Variants in TMEM65 observed in about 807,000 individuals in gnomAD.
The protein encoded by TMEM65 is transmembrane protein 65.
In TMEM65, 22 loss-of-function variants were observed where a neutral mutation model predicts 25.4. That is an observed-to-expected ratio of 0.86 (90% confidence interval 0.62 to 1.23). The LOEUF (loss-of-function observed/expected upper bound fraction) is 1.23. Ranked by LOEUF, TMEM65 falls within the 50% of genes most tolerant of loss-of-function variation. The pLI, the probability that TMEM65 is intolerant of heterozygous loss-of-function variation, is 0.00. For synonymous variants in TMEM65, 132 were observed against 126.2 expected (o/e 1.05, Z -0.31); for missense variants, 262 against 308.2 (o/e 0.85, Z 1.12).
chr8:124,323,312 G>A lies in TMEM65; in HGVS notation c.472+9C>T. ...CAATGAAATAATAACATTTACTACTGTTAAATACCTGCCATAGTTGAAATT... is the reference window on the plus strand; with the variant it reads ...CAATGAAATAATAACATTTACTACTATTAAATACCTGCCATAGTTGAAATT... On this transcript the variant is annotated intron_variant, in intron 4 of 6. Coordinates refer to ENST00000297632, the MANE Select transcript of TMEM65 (RefSeq NM_194291.3). 1 of 1,437,712 alleles carries A rather than the reference G, an allele frequency of 7.0e-7. No homozygotes were observed. Among genetic ancestry groups the A allele is most frequent in the Non-Finnish European group, 9.6e-7 (1 of 1,043,270 alleles). 89.1% of individuals were successfully genotyped at this position (1,437,712 alleles called of 1,614,324 possible).
rs1041329523 is a variant in TMEM65, at chr8:124,330,916, A to G, written c.305-124T>C. ...GAATATCAGAGTTTATTCATAAATT[A>G]TCTTTAGGTTAAGGGACCACATTTG... On this transcript the variant is annotated intron_variant, in intron 1 of 6. Coordinates refer to ENST00000297632, the MANE Select transcript of TMEM65 (RefSeq NM_194291.3). The G allele has an allele frequency of 6.5e-6, 6 of 926,884 alleles. No homozygotes were observed. The African/African-American group carries it at 1.1e-4, about 16-fold the overall frequency. The allele number at this position is 926,884 out of a possible 1,614,324, so 57.4% of individuals were successfully genotyped here. A position where few individuals can be genotyped will look rare whatever the true frequency, so the allele number is the denominator to read the frequency against.
At chr8:124,315,325 G>T (rs113685692) in intron 6 of TMEM65, among the ~76,000 whole-genome samples, 1,504 of 139,612 alleles carry the variant, frequency 0.011, 32 homozygotes, top group Middle Eastern at 0.018. Flanking sequence ...TTTTTTTTTT[G>T]TTTGTTTTTT....
intron 1 of TMEM65, among the ~76,000 whole-genome samples, chr8:124,361,375 C>A (rs991447463): frequency 6.8e-6 from 1 of 147,620 alleles, no homozygotes; most frequent in African/African-American, 2.5e-5. Context: ...GCAGAGGTTG[C>A]GGTGAGCCGA....
chr8:124,344,836 C>A (rs1316012999), intron 1 of TMEM65, among the ~76,000 whole-genome samples: 1 of 152,066 alleles, frequency 6.6e-6, no homozygotes, highest in Non-Finnish European at 1.5e-5. Flanking sequence ...CAATATATAT[C>A]AAATGGCCTC....
In TMEM65 at chr8:124,372,117, C is replaced by A. The variant is rs1339536882; in HGVS notation, c.41G>T (p.Arg14Leu). The A allele has an allele frequency of 1.4e-5, 16 of 1,165,460 alleles. No homozygotes were observed. The highest frequency in any genetic ancestry group is 1.6e-5 in the Non-Finnish European group (15 of 942,874). The allele number at this position is 1,165,460 out of a possible 1,614,324, so 72.2% of individuals were successfully genotyped here. A position where few individuals can be genotyped will look rare whatever the true frequency, so the allele number is the denominator to read the frequency against. Residue 14 changes from arginine (R) to leucine (L), a missense_variant, in exon 1 of 7, where the codon CGC becomes CTC. Arg to Leu is a moderately radical substitution (Grantham distance 102). Transcript: ENST00000297632. ...GGCGGCCGGGCCCGGCCTCAGGCTG[C>A]GCGCGGTCCGGCTCCTCAGCAGCGG... is the stretch of plus-strand genomic sequence containing the variant. ...LLPLLRSRTA[R>L]SLRPGPAAAA... is the part of the protein sequence containing the mutation.
chr8:124,342,316 C>T (rs1287723581), intron 1 of TMEM65, among the ~76,000 whole-genome samples: 1 of 152,108 alleles, frequency 6.6e-6, no homozygotes, highest in African/African-American at 2.4e-5. Flanking sequence ...TTTCTGATAA[C>T]TTTAAGATCA....
At chr8:124,323,077 C>A (rs1270837283) in intron 4 of TMEM65, among the ~76,000 whole-genome samples, 2 of 151,938 alleles carry the variant, frequency 1.3e-5, no homozygotes, top group Non-Finnish European at 2.9e-5. Context: ...GCCAGAAAAT[C>A]TTGTCTTAAC....
At position 124,307,260 on chromosome 8, in the gene TMEM65, T is replaced by C. The variant is rs563941781; in HGVS notation, c.*6700A>G. 1.3e-5 allele frequency: 2 copies of C among 152,324 alleles called. No individual in the cohort carries two copies. The highest frequency in any genetic ancestry group is 3.9e-4 in the East Asian group (2 of 5,180). The allele number at this position is 152,324 out of a possible 1,614,324, so 9.4% of individuals were successfully genotyped here. On this transcript the variant is annotated 3_prime_UTR_variant, in exon 7 of 7. Transcript: ENST00000297632. ...CATGGTTCTCAGTTATTTTTCATCA[T>C]GTTTAGTACAACCATAAACCTTGCA... is the stretch of plus-strand genomic sequence containing the variant.
chr8:124,320,134 G>A lies in TMEM65; in HGVS notation c.573C>T (p.Leu191=). The A allele has an allele frequency of 6.2e-7, 1 of 1,613,334 alleles. No individual in the cohort carries two copies. Among genetic ancestry groups the A allele is most frequent in the East Asian group, 2.2e-5 (1 of 44,826 alleles). ...GCCACATGTCAACTTGCTTTGGTGT[G>A]AGATCAGGAATTGACAGGCCTAACC... is the stretch of plus-strand genomic sequence containing the variant. The part of the protein sequence containing the change: ...ASRLGLSIPD[L]TPKQVDMWQT... The change falls in exon 6 of 7, where the codon CTC becomes CTT. Residue 191 remains leucine, a synonymous_variant. Transcript: ENST00000297632.
chr8:124,330,834 A>G (rs761830755), intron 1 of TMEM65, 42 bp from the exon 2 acceptor site: 2 of 1,522,020 alleles, frequency 1.3e-6, no homozygotes, highest in South Asian at 2.4e-5. Flanking sequence ...ATTAGTTACT[A>G]CAGCGTGATA....
rs1187140936 is a variant in TMEM65, at chr8:124,351,166, AATATAT to A, written c.305-20380_305-20375del. 5.4e-6 allele frequency: 5 copies of A among 925,238 alleles called. No individual in the cohort carries two copies. In the African/African-American group the frequency reaches 7.1e-5, roughly 13 times the overall value. The allele number at this position is 925,238 out of a possible 1,614,324, so 57.3% of individuals were successfully genotyped here. On this transcript the variant is annotated intron_variant, in intron 1 of 6. Coordinates refer to ENST00000297632, the MANE Select transcript of TMEM65 (RefSeq NM_194291.3). ...AATATATGCATGCAACAAAATAAAT[AATATAT>A]ATATAAACTTTAAAATATATATAAA... is the stretch of plus-strand genomic sequence containing the variant.
intron 3 of TMEM65, among the ~76,000 whole-genome samples, chr8:124,324,698 A>G (rs1402670947): frequency 1.3e-5 from 2 of 152,072 alleles, no homozygotes; most frequent in Non-Finnish European, 2.9e-5. Context: ...GTGCTTAATC[A>G]TTTGGTTGAA....
intron 1 of TMEM65, among the ~76,000 whole-genome samples, chr8:124,364,864 G>A (rs147252725): frequency 4.8e-4 from 72 of 151,204 alleles, no homozygotes; most frequent in African/African-American, 1.6e-3. Flanking sequence ...AGATGACTTG[G>A]GCAAGATGCT....
chr8:124,338,061 C>G (rs1563593978), intron 1 of TMEM65, among the ~76,000 whole-genome samples: 1 of 151,844 alleles, frequency 6.6e-6, no homozygotes, highest in Non-Finnish European at 1.5e-5. Context: ...TTAAAAGCAT[C>G]CACAGTTTAT....
At chr8:124,342,750 G>C (rs1428524905) in intron 1 of TMEM65, among the ~76,000 whole-genome samples, 1 of 152,014 alleles carries the variant, frequency 6.6e-6, no homozygotes, top group Non-Finnish European at 1.5e-5. Context: ...AAAATTGTTC[G>C]AGTGACTGTT....
rs1814091519 is a variant in TMEM65, at chr8:124,306,308, T to C, written c.*7652A>G. The C allele has an allele frequency of 6.6e-6, 1 of 152,184 alleles. No individual in the cohort carries two copies. Among genetic ancestry groups the C allele is most frequent in the African/African-American group, 2.4e-5 (1 of 41,436 alleles). The allele number at this position is 152,184 out of a possible 1,614,324, so 9.4% of individuals were successfully genotyped here. ...ATTCTATTTCCCATTAAGCATTTGA[T>C]CATGTTACAAAACAATGGCCTAGAG... On this transcript the variant is annotated 3_prime_UTR_variant, in exon 7 of 7. Coordinates refer to ENST00000297632, the MANE Select transcript of TMEM65 (RefSeq NM_194291.3).
intron 1 of TMEM65, 135 bp downstream of exon 1, chr8:124,371,719 C>T: frequency 3.4e-6 from 3 of 876,932 alleles, no homozygotes; most frequent in Non-Finnish European, 4.8e-6. Context: ...AGGCGTGGGG[C>T]CAGACAGGCG....
intron 1 of TMEM65, among the ~76,000 whole-genome samples, chr8:124,364,577 A>T (rs570097808): frequency 1.3e-5 from 2 of 152,188 alleles, no homozygotes; most frequent in Admixed American, 1.3e-4. Context: ...TGCTCATTAT[A>T]TTTTTACTAA....
chr8:124,316,706 T>C (rs1452749028), intron 6 of TMEM65, among the ~76,000 whole-genome samples: 1 of 152,144 alleles, frequency 6.6e-6, no homozygotes, highest in African/African-American at 2.4e-5. Flanking sequence ...AAACAATTAT[T>C]ATGCCCCAGG....
Sources: gnomAD v4.1 joint callset for allele counts (sites outside exome capture counted in the v4.1 genomes callset) on GRCh38, gnomAD v4.1.1 for gene constraint, MANE v1.5 for transcripts, NCBI Gene and HGNC (gene_info 2026-07-23, HGNC 2026-07-21) for gene names.